SLIT3: variants seen among roughly 807,000 people sequenced by gnomAD.
The protein encoded by SLIT3 is slit guidance ligand 3, also known as slit homolog 3 protein.
SLIT3 carries 68 observed loss-of-function variants against 184.0 expected under a neutral mutation model. The observed-to-expected ratio is 0.37, with a 90% confidence interval of 0.30 to 0.45. The LOEUF is 0.45. Among genes scored for constraint, SLIT3 ranks in the 20% least tolerant of loss-of-function variants. The pLI, the probability that SLIT3 is intolerant of heterozygous loss-of-function variation, is 1.00. For missense variants in SLIT3, 1,707 were observed against 2,026.0 expected, an observed-to-expected ratio of 0.84 and a Z score of 3.02; for synonymous variants, 831 against 828.6, an observed-to-expected ratio of 1.00 and a Z score of -0.05.
chr5:169,143,476 T>C (rs1036433697), intron 4 of SLIT3, among the ~76,000 whole-genome samples: 3 of 152,222 alleles, frequency 2.0e-5, no homozygotes, highest in Admixed American at 1.3e-4. Context: ...ATTGCTGCAG[T>C]ATGATTTCAA....
At position 169,062,789 on chromosome 5, in the gene SLIT3, T is replaced by C. The variant is rs539469660; in HGVS notation, c.413+130690A>G. Among the ~76,000 whole-genome samples the C allele has an allele frequency of 6.6e-5, 10 of 152,324 alleles. No homozygotes were observed. The South Asian group carries it at 1.9e-3, about 28-fold the overall frequency. ...GCTCAGAGTTGGGTCCAGTAAGTTG[T>C]TGTGACCATCATTTCCCCCTTCATG... On this transcript the variant is annotated intron_variant, in intron 4 of 35. Transcript: ENST00000519560.
intron 6 of SLIT3, 62 bp from the exon 7 acceptor site, chr5:168,823,393 T>A: frequency 8.3e-7 from 1 of 1,210,832 alleles, no homozygotes; most frequent in Non-Finnish European, 1.2e-6. Flanking sequence ...CCAAGATGCT[T>A]GTAGTAGGTC....
intron 20 of SLIT3, among the ~76,000 whole-genome samples, chr5:168,730,439 C>A (rs569605265): frequency 1.3e-3 from 200 of 152,092 alleles, no homozygotes; most frequent in African/African-American, 4.5e-3. Flanking sequence ...TTTTCACCAG[C>A]ACATGGAACA....
chr5:169,171,167 A>G (rs1173303339), intron 4 of SLIT3, among the ~76,000 whole-genome samples: 1 of 152,222 alleles, frequency 6.6e-6, no homozygotes, highest in Non-Finnish European at 1.5e-5. Context: ...CTGATTGAGG[A>G]GGATTTGAAT....
Position 168,710,883 on chromosome 5 carries a change from G to A in SLIT3, c.2719+12C>T. ...GAGGGGCAGGGGAGGGTGGGGTGTGGGCGTCACCTACCTTTGCACTGGAAG... is the reference window on the plus strand; with the variant it reads ...GAGGGGCAGGGGAGGGTGGGGTGTGAGCGTCACCTACCTTTGCACTGGAAG... On this transcript the variant is annotated intron_variant, in intron 25 of 35. Coordinates refer to ENST00000519560, the MANE Select transcript of SLIT3 (RefSeq NM_003062.4). 1 of 1,511,586 alleles carries A rather than the reference G, an allele frequency of 6.6e-7. No individual in the cohort carries two copies. Among genetic ancestry groups the A allele is most frequent in the Non-Finnish European group, 8.9e-7 (1 of 1,122,466 alleles). The allele number at this position is 1,511,586 out of a possible 1,614,324, so 93.6% of individuals were successfully genotyped here. A position where few individuals can be genotyped will look rare whatever the true frequency, so the allele number is the denominator to read the frequency against.
intron 4 of SLIT3, among the ~76,000 whole-genome samples, chr5:168,998,591 C>G (rs545397059): frequency 6.6e-6 from 1 of 152,194 alleles, no homozygotes; most frequent in African/African-American, 2.4e-5. Context: ...GTAATCCCAG[C>G]TACTCAGGAG....
At chr5:168,910,409 C>T (rs1033638716) in intron 4 of SLIT3, among the ~76,000 whole-genome samples, 5 of 152,154 alleles carry the variant, frequency 3.3e-5, no homozygotes, top group Non-Finnish European at 4.4e-5. Context: ...CACACTCGCA[C>T]ACACACACAT....
intron 2 of SLIT3, among the ~76,000 whole-genome samples, chr5:169,247,807 GTTGCCCAGCCTGGGCAGCC>G (rs1271018254): frequency 6.6e-6 from 1 of 152,104 alleles, no homozygotes; most frequent in African/African-American, 2.4e-5. Flanking sequence ...GTTTTACGAT[GTTGCCCAGCCTGGGCAGCC>G]TTGTCCAGGC....
chr5:168,793,502 A>G (rs1015175313), intron 10 of SLIT3, among the ~76,000 whole-genome samples: 1 of 152,196 alleles, frequency 6.6e-6, no homozygotes, highest in Admixed American at 6.6e-5. Flanking sequence ...CTTGGGGGAA[A>G]AAAAGGGCAT....
chr5:169,150,757 A>T (rs1762086645), intron 4 of SLIT3, among the ~76,000 whole-genome samples: 1 of 152,222 alleles, frequency 6.6e-6, no homozygotes, highest in Non-Finnish European at 1.5e-5. Flanking sequence ...TCACATCTGC[A>T]TAAGAGAGGT....
chr5:168,680,487 G>C (rs1233022429), intron 32 of SLIT3, among the ~76,000 whole-genome samples: 1 of 152,248 alleles, frequency 6.6e-6, no homozygotes, highest in Non-Finnish European at 1.5e-5. Context: ...TCTGAAGCTG[G>C]TCAGTGGGCC....
intron 14 of SLIT3, among the ~76,000 whole-genome samples, chr5:168,766,873 C>T (rs6860336): frequency 0.29 from 43,741 of 152,222 alleles, 6,727 homozygotes; most frequent in East Asian, 0.55. Flanking sequence ...TTTCTACTAA[C>T]AGATGAAAGT....
intron 25 of SLIT3, chr5:168,710,133 G>A (rs916936872): frequency 1.3e-5 from 2 of 152,208 alleles, no homozygotes; most frequent in Non-Finnish European, 2.9e-5. Flanking sequence ...TGGATTAAGT[G>A]GCAGTGGAGT....
chr5:168,751,764 C>T (rs1303392493), intron 18 of SLIT3, among the ~76,000 whole-genome samples: 4 of 150,170 alleles, frequency 2.7e-5, no homozygotes, highest in Non-Finnish European at 4.4e-5. Context: ...GTCTCGCTCT[C>T]GCTCTGTTGC....
intron 19 of SLIT3, among the ~76,000 whole-genome samples, chr5:168,749,044 A>G (rs1754603267): frequency 6.6e-6 from 1 of 152,210 alleles, no homozygotes; most frequent in African/African-American, 2.4e-5. Flanking sequence ...TGATGCTGAC[A>G]GGAAGACTGA....
chr5:168,700,431 C>T (rs1762180660), intron 27 of SLIT3, 151 bp downstream of exon 27: 1 of 634,198 alleles, frequency 1.6e-6, no homozygotes, highest in South Asian at 1.9e-5. Flanking sequence ...TTTCCTTTGC[C>T]TTCTGCCATG....
At chr5:169,016,222 A>G (rs1435371745) in intron 4 of SLIT3, among the ~76,000 whole-genome samples, 1 of 152,196 alleles carries the variant, frequency 6.6e-6, no homozygotes, top group Non-Finnish European at 1.5e-5. Context: ...AAGAAAAGCC[A>G]GGCAGTCTGC....
chr5:169,293,070 G>T (rs1229268720), intron 1 of SLIT3, among the ~76,000 whole-genome samples: 6 of 152,204 alleles, frequency 3.9e-5, no homozygotes, highest in African/African-American at 1.4e-4. Flanking sequence ...TATGGATGGA[G>T]TACGAGGCCT....
chr5:168,925,754 G>T (rs990518306), intron 4 of SLIT3, among the ~76,000 whole-genome samples: 3 of 151,910 alleles, frequency 2.0e-5, no homozygotes, highest in African/African-American at 7.3e-5. Flanking sequence ...CTCTAGGTTT[G>T]CCAACTCTAA....
Sources: allele counts gnomAD v4.1 joint callset (sites outside exome capture counted in the v4.1 genomes callset), GRCh38; gene constraint gnomAD v4.1.1; transcripts MANE v1.5; gene names NCBI Gene and HGNC (gene_info 2026-07-23, HGNC 2026-07-21).